The following KLHL3 variants were observed in gnomAD, a reference collection of about 807,000 sequenced individuals.
The protein encoded by KLHL3 is kelch like family member 3.
In KLHL3, 19 loss-of-function variants were observed where a neutral mutation model predicts 70.5. The ratio of observed to expected loss-of-function variants is 0.27; its 90% CI spans 0.19 to 0.40. The LOEUF (loss-of-function observed/expected upper bound fraction) is 0.40. Among genes scored for constraint, KLHL3 ranks in the 10% least tolerant of loss-of-function variants. KLHL3 has a pLI of 1.00. For synonymous variants in KLHL3, 258 were observed against 290.3 expected (o/e 0.89, Z 1.13); for missense variants, 512 against 771.1 (o/e 0.66, Z 3.98).
chr5:137,656,156 C>T (rs529363781), intron 8 of KLHL3, among the ~76,000 whole-genome samples: 3 of 151,668 alleles, frequency 2.0e-5, no homozygotes, highest in Non-Finnish European at 4.4e-5. Flanking sequence ...GAAATACGAA[C>T]TCAAACAATA....
chr5:137,708,718 T>C (rs1051687414), intron 3 of KLHL3, among the ~76,000 whole-genome samples: 3 of 152,034 alleles, frequency 2.0e-5, no homozygotes, highest in African/African-American at 4.8e-5. Context: ...AGTTATAGGA[T>C]AGAGAGAGGC....
chr5:137,707,103 A>C (rs1430821960), intron 3 of KLHL3, among the ~76,000 whole-genome samples: 1 of 152,204 alleles, frequency 6.6e-6, no homozygotes, highest in East Asian at 1.9e-4. Context: ...CATTCCAGGA[A>C]GATGAATAGC....
chr5:137,715,663 T>C (rs1752878425), intron 2 of KLHL3, among the ~76,000 whole-genome samples: 1 of 152,224 alleles, frequency 6.6e-6, no homozygotes, highest in Non-Finnish European at 1.5e-5. Flanking sequence ...ATCATCATCA[T>C]CATCATAGCT....
chr5:137,650,315 CTG>C (rs1251750212), intron 8 of KLHL3, among the ~76,000 whole-genome samples: 1 of 152,196 alleles, frequency 6.6e-6, no homozygotes, highest in Non-Finnish European at 1.5e-5. Flanking sequence ...TTACCCCTCT[CTG>C]TGCTCCCAGA....
In KLHL3 at chr5:137,628,406, G is replaced by A. The variant is rs770594598; in HGVS notation, c.1482C>T (p.Ala494=). The A allele has an allele frequency of 5.6e-6, 9 of 1,614,130 alleles. No homozygotes were observed. Among genetic ancestry groups the A allele is most frequent in the Non-Finnish European group, 1.7e-6 (2 of 1,180,040 alleles). Residue 494 remains alanine (A), a synonymous_variant, in exon 13 of 15, where the codon GCC becomes GCT. Transcript: ENST00000309755. Reference sequence around the variant, plus strand: ...CCAAAGGCCCATCATGCCCACCTGTGGCGTACAGCTGTCCGCTAAGCACTC... The same window carrying A: ...CCAAAGGCCCATCATGCCCACCTGTAGCGTACAGCTGTCCGCTAAGCACTC... ...GVGVLSGQLY[A]TGGHDGPLVR...
intron 12 of KLHL3, among the ~76,000 whole-genome samples, chr5:137,633,331 T>C (rs995468849): frequency 6.7e-6 from 1 of 149,244 alleles, no homozygotes; most frequent in Admixed American, 6.7e-5. Context: ...TTTAGCATGG[T>C]TGCAGAGAAA....
chr5:137,647,190 G>C (rs1178858216), intron 8 of KLHL3, among the ~76,000 whole-genome samples: 1 of 152,160 alleles, frequency 6.6e-6, no homozygotes, highest in African/African-American at 2.4e-5. Flanking sequence ...TCCTTAGGAA[G>C]GAAATTTTAC....
intron 13 of KLHL3, among the ~76,000 whole-genome samples, chr5:137,626,788 G>T (rs1561580428): frequency 6.6e-6 from 1 of 152,214 alleles, no homozygotes; most frequent in East Asian, 1.9e-4. Context: ...TGGATCACTT[G>T]AGCCCAGGAG....
At chr5:137,640,216 C>T (rs1750878804) in intron 8 of KLHL3, among the ~76,000 whole-genome samples, 1 of 152,228 alleles carries the variant, frequency 6.6e-6, no homozygotes, top group South Asian at 2.1e-4. Flanking sequence ...AAATGCCCCA[C>T]TCGGGGCTAT....
chr5:137,734,036 T>C (rs1753222388), intron 1 of KLHL3, among the ~76,000 whole-genome samples: 1 of 152,200 alleles, frequency 6.6e-6, no homozygotes. Flanking sequence ...CCATCCCAGC[T>C]GAGAGGCCCC....
At chr5:137,656,476 T>A (rs1751348557) in intron 8 of KLHL3, among the ~76,000 whole-genome samples, 1 of 152,232 alleles carries the variant, frequency 6.6e-6, no homozygotes, top group Non-Finnish European at 1.5e-5. Flanking sequence ...TTCCAAATAA[T>A]AGCAGATTTT....
chr5:137,618,796 C>A lies in KLHL3; in HGVS notation c.*3302G>T, dbSNP rs1756308808. 6.7e-6 allele frequency: 1 copy of A among 148,232 alleles called. No homozygotes were observed. 9.2% of individuals were successfully genotyped at this position (148,232 alleles called of 1,614,324 possible). ...AAAAGACACAATCAATACAGACGGG[C>A]AAGTGCTGAGTCGAACATAACATCA... On this transcript the variant is annotated 3_prime_UTR_variant, in exon 15 of 15. Transcript: ENST00000309755.
intron 6 of KLHL3, among the ~76,000 whole-genome samples, chr5:137,665,441 A>G (rs1406534976): frequency 6.6e-6 from 1 of 152,214 alleles, no homozygotes; most frequent in African/African-American, 2.4e-5. Context: ...TTAGGGGTGA[A>G]GTGTCATAAT....
intron 5 of KLHL3, among the ~76,000 whole-genome samples, chr5:137,678,772 T>A (rs1751949783): frequency 6.6e-6 from 1 of 152,210 alleles, no homozygotes; most frequent in South Asian, 2.1e-4. Context: ...ACGTTAACAG[T>A]TTACTCTCAA....
chr5:137,654,539 T>C (rs1751292311), intron 8 of KLHL3, among the ~76,000 whole-genome samples: 1 of 152,230 alleles, frequency 6.6e-6, no homozygotes, highest in Non-Finnish European at 1.5e-5. Context: ...GCATACCCTA[T>C]TCATTCTTCA....
At chr5:137,647,497 C>T (rs1465903492) in intron 8 of KLHL3, 15 of 470,336 alleles carry the variant, frequency 3.2e-5, no homozygotes, top group South Asian at 1.7e-4. Flanking sequence ...GGGCTCTACA[C>T]ACTTTTTTCA....
intron 3 of KLHL3, among the ~76,000 whole-genome samples, chr5:137,706,952 G>C (rs1426029588): frequency 6.6e-6 from 1 of 152,154 alleles, no homozygotes; most frequent in African/African-American, 2.4e-5. Context: ...CTAAAGAGAA[G>C]TATAAAGTAC....
At chr5:137,728,233 G>A (rs1753115568) in intron 1 of KLHL3, among the ~76,000 whole-genome samples, 1 of 152,146 alleles carries the variant, frequency 6.6e-6, no homozygotes, top group Non-Finnish European at 1.5e-5. Context: ...GCTGACTCCA[G>A]CACACTGCTG....
chr5:137,649,342 C>T (rs1467622557), intron 8 of KLHL3, among the ~76,000 whole-genome samples: 1 of 152,210 alleles, frequency 6.6e-6, no homozygotes, highest in African/African-American at 2.4e-5. Flanking sequence ...TGTGTGCTCT[C>T]ATTTTCTTGC....
Sources: allele counts gnomAD v4.1 joint callset (sites outside exome capture counted in the v4.1 genomes callset), GRCh38; gene constraint gnomAD v4.1.1; transcripts MANE v1.5; gene names NCBI Gene and HGNC (gene_info 2026-07-23, HGNC 2026-07-21).